The following LZTFL1 variants were observed in gnomAD, a reference collection of about 807,000 sequenced individuals.
LZTFL1 encodes leucine zipper transcription factor like 1, also known as leucine zipper transcription factor-like protein 1.
Under a neutral mutation model 45.9 loss-of-function variants are expected in LZTFL1, and 25 were observed. The observed-to-expected ratio is 0.54, with a 90% CI of 0.40 to 0.76. The LOEUF (loss-of-function observed/expected upper bound fraction) is 0.76, where lower values mean the gene tolerates loss of function less well. Among genes scored for constraint, LZTFL1 ranks in the 30% least tolerant of loss-of-function variants. The pLI, the probability that LZTFL1 is intolerant of heterozygous loss-of-function variation, is 0.00. For synonymous variants in LZTFL1, 93 were observed against 117.4 expected (o/e 0.79, Z 1.35); for missense variants, 277 against 331.1 (o/e 0.84, Z 1.27).
intron 2 of LZTFL1, among the ~76,000 whole-genome samples, chr3:45,905,095 C>A (rs1702654795): frequency 1.3e-5 from 2 of 152,220 alleles, no homozygotes; most frequent in Non-Finnish European, 2.9e-5. Context: ...CTGCACCTGA[C>A]ATGTTTTAGA....
At chr3:45,840,113 A>G (rs966697701) in intron 1 of LZTFL1, among the ~76,000 whole-genome samples, 35 of 152,334 alleles carry the variant, frequency 2.3e-4, no homozygotes, top group African/African-American at 8.2e-4. Flanking sequence ...CAGGTGGCCA[A>G]TTCCTATCTG....
At chr3:45,849,475 A>C (rs140102583) in intron 4 of LZTFL1, among the ~76,000 whole-genome samples, 49 of 152,326 alleles carry the variant, frequency 3.2e-4, no homozygotes, top group Middle Eastern at 3.4e-3. Flanking sequence ...TGGGCAGGGA[A>C]AAAAATAACT....
At position 45,838,028 on chromosome 3, in the gene LZTFL1, G is replaced by C; in HGVS notation, c.27C>G (p.His9Gln). The C allele has an allele frequency of 6.2e-7, 1 of 1,609,738 alleles. No homozygotes were observed. Among genetic ancestry groups the C allele is most frequent in the South Asian group, 1.1e-5 (1 of 89,896 alleles). MAELGLNEHHQNEVINYMR... is the reference protein window; with the variant it reads MAELGLNEQHQNEVINYMR... ...TATAATTAATAACTTCATTTTGATG[G>C]TGCTCATTTAGGCCCAACTCTGCCT... Residue 9 changes from histidine to glutamine, a missense_variant, in exon 2 of 10, where the codon CAC (histidine) becomes CAG (glutamine). Transcript: ENST00000296135.
At chr3:45,871,461 T>C (rs879495650) in intron 2 of LZTFL1, among the ~76,000 whole-genome samples, 10 of 152,252 alleles carry the variant, frequency 6.6e-5, no homozygotes, top group Non-Finnish European at 1.2e-4. Context: ...CCTTTTCATA[T>C]GTTTTTCCGC....
rs982439831 is a variant in LZTFL1 at position 45,828,341 on chromosome 3, G to C, written c.777+98C>G. 95 of 997,702 alleles carry C rather than the reference G, an allele frequency of 9.5e-5. No individual in the cohort carries two copies. In the East Asian group the frequency reaches 2.2e-3, roughly 23 times the overall value. 61.8% of individuals were successfully genotyped at this position (997,702 alleles called of 1,614,324 possible). On this transcript the variant is annotated intron_variant, in intron 8 of 9. Coordinates refer to ENST00000296135, the MANE Select transcript of LZTFL1 (RefSeq NM_020347.4). ...CCTTGAGAAAAAATAATCTGAATTT[G>C]CAGTTGTCCAACGTTTATCTTAGCC...
At chr3:45,887,717 A>C (rs1702025216) in intron 2 of LZTFL1, among the ~76,000 whole-genome samples, 2 of 152,214 alleles carry the variant, frequency 1.3e-5, no homozygotes, top group Admixed American at 1.3e-4. Flanking sequence ...ATCTGTTCTG[A>C]AGCCTCTTTG....
chr3:45,874,973 G>T (rs1701727318), intron 2 of LZTFL1, among the ~76,000 whole-genome samples: 1 of 152,180 alleles, frequency 6.6e-6, no homozygotes, highest in African/African-American at 2.4e-5. Flanking sequence ...TGGGCTAGCA[G>T]GCCCAACTGA....
intron 2 of LZTFL1, among the ~76,000 whole-genome samples, chr3:45,865,930 C>A (rs557261972): frequency 5.3e-5 from 8 of 152,290 alleles, no homozygotes; most frequent in Middle Eastern, 6.8e-3. Context: ...CTGGTATAGG[C>A]CATGTAATCG....
chr3:45,857,226 T>C (rs1701407735), intron 3 of LZTFL1, among the ~76,000 whole-genome samples: 2 of 152,348 alleles, frequency 1.3e-5, no homozygotes, highest in South Asian at 4.1e-4. Flanking sequence ...TGCAGGGATA[T>C]GGATGGAGCT....
chr3:45,870,056 T>G (rs1000099454), intron 2 of LZTFL1, among the ~76,000 whole-genome samples: 51 of 152,252 alleles, frequency 3.3e-4, no homozygotes, highest in African/African-American at 1.1e-3. Flanking sequence ...AAAGTTGTAA[T>G]GAAGATGTTT....
chr3:45,884,290 C>CT (rs895700292), intron 2 of LZTFL1, among the ~76,000 whole-genome samples: 5 of 152,142 alleles, frequency 3.3e-5, no homozygotes, highest in Non-Finnish European at 7.4e-5. Flanking sequence ...GAGGATAGGG[C>CT]TTTTTTCAGG....
chr3:45,869,790 G>A (rs1387491982), intron 2 of LZTFL1, among the ~76,000 whole-genome samples: 1 of 152,158 alleles, frequency 6.6e-6, no homozygotes, highest in Non-Finnish European at 1.5e-5. Flanking sequence ...GACAGAAGAG[G>A]TCACCCCCAA....
At chr3:45,915,575 G>T in exon 1 of LZTFL1, 1 of 450,560 alleles carries the variant, frequency 2.2e-6, no homozygotes, top group South Asian at 1.6e-5. Flanking sequence ...AGACAGACCT[G>T]TCCTAGAAAC....
In LZTFL1 at chr3:45,841,927, T is replaced by C. The variant is rs1008098428; in HGVS notation, c.3+62A>G. 15 of 1,590,272 alleles carry C rather than the reference T, an allele frequency of 9.4e-6. 1 individual carries two copies. In the East Asian group the frequency reaches 3.4e-4, roughly 36 times the overall value. ...TCATTCCGGGCCCACCCGCTCAGTG[T>C]CTCCAGCCCCGGCCGCGCTCTCTCC... On this transcript the variant is annotated intron_variant, in intron 1 of 9. Coordinates refer to ENST00000296135, the MANE Select transcript of LZTFL1 (RefSeq NM_020347.4).
chr3:45,828,403 A>G lies in LZTFL1; in HGVS notation c.777+36T>C. 3 of 1,595,328 alleles carry G rather than the reference A, an allele frequency of 1.9e-6. No individual in the cohort carries two copies. In the South Asian group the frequency reaches 3.3e-5, roughly 18 times the overall value. On this transcript the variant is annotated intron_variant, in intron 8 of 9. Coordinates refer to ENST00000296135, the MANE Select transcript of LZTFL1 (RefSeq NM_020347.4). Reference sequence around the variant, plus strand: ...TCTATACTGTGTGCATTAATCATGCATTAACAGACAAATCCCTTAAACATG... The same window carrying G: ...TCTATACTGTGTGCATTAATCATGCGTTAACAGACAAATCCCTTAAACATG...
At chr3:45,835,961 A>G (rs978835080) in intron 2 of LZTFL1, among the ~76,000 whole-genome samples, 177 bp from the exon 3 acceptor site, 27 of 152,234 alleles carry the variant, frequency 1.8e-4, no homozygotes, top group Admixed American at 1.2e-3. Flanking sequence ...AAACTCAATT[A>G]ATTTTTGACA....
intron 4 of LZTFL1, among the ~76,000 whole-genome samples, chr3:45,847,360 C>T (rs183359752): frequency 6.6e-6 from 1 of 152,214 alleles, no homozygotes; most frequent in Non-Finnish European, 1.5e-5. Context: ...ATGATGTTGT[C>T]TCCGCTGGGG....
At position 45,828,668 on chromosome 3, in the gene LZTFL1, CTG is replaced by C. The variant is rs895610336; in HGVS notation, c.601-55_601-54del. On this transcript the variant is annotated intron_variant, in intron 7 of 9. Coordinates refer to ENST00000296135, the MANE Select transcript of LZTFL1 (RefSeq NM_020347.4). ...TTTCATGTTGATATTCTAAAAATAA[CTG>C]TTTTAGAATGGTGATTCAACATCAT... 27 of 1,416,740 alleles carry C rather than the reference CTG, an allele frequency of 1.9e-5. No individual in the cohort carries two copies. In the African/African-American group the frequency reaches 3.6e-4, roughly 19 times the overall value. 87.8% of individuals were successfully genotyped at this position (1,416,740 alleles called of 1,614,324 possible). A position where few individuals can be genotyped will look rare whatever the true frequency, so the allele number is the denominator to read the frequency against.
chr3:45,892,447 A>T (rs940943117), intron 2 of LZTFL1, among the ~76,000 whole-genome samples: 4 of 152,312 alleles, frequency 2.6e-5, no homozygotes, highest in African/African-American at 9.6e-5. Flanking sequence ...ATCCTAAGTG[A>T]ATTAACACAG....
Sources: gnomAD v4.1 joint callset for allele counts (sites outside exome capture counted in the v4.1 genomes callset) on GRCh38, gnomAD v4.1.1 for gene constraint, MANE v1.5 for transcripts, NCBI Gene and HGNC (gene_info 2026-07-23, HGNC 2026-07-21) for gene names.